The following SSH1 variants were observed in gnomAD, a reference collection of about 807,000 sequenced individuals.
The protein encoded by SSH1 is protein phosphatase Slingshot homolog 1.
A neutral mutation model predicts 79.7 loss-of-function variants in SSH1; 43 were observed. That is an observed-to-expected ratio of 0.54 (90% confidence interval 0.42 to 0.70). The LOEUF is 0.70. SSH1 is among the 30% of genes least tolerant of loss of function. SSH1 has a pLI of 0.00. For synonymous variants in SSH1, 599 were observed against 538.3 expected (o/e 1.11, Z -1.56); for missense variants, 1,206 against 1,358.8 (o/e 0.89, Z 1.77).
Position 108,800,861 on chromosome 12 carries a change from T to C in SSH1, c.1067A>G (p.His356Arg), listed in dbSNP as rs766609493. Reference protein sequence around the residue: ...DNFFPGLFAYHNIRVYDEETT... With the variant: ...DNFFPGLFAYRNIRVYDEETT... Reference sequence around the variant, plus strand: ...CTCTTCATCGTAGACTCGGATGTTATGATATGCAAATAAGCCAGGAAAAAA... The same window carrying C: ...CTCTTCATCGTAGACTCGGATGTTACGATATGCAAATAAGCCAGGAAAAAA... The change falls in exon 12 of 15, where the codon CAT becomes CGT. Residue 356 changes from histidine to arginine, a missense_variant. Physicochemically the swap from His to Arg is conservative, Grantham distance 29 (BLOSUM62 0). This residue lies in a region of SSH1 where 166 missense variants were observed against 262.9 expected (regional missense o/e 0.63). Transcript: ENST00000326495. 1 of 1,614,088 alleles carries C rather than the reference T, an allele frequency of 6.2e-7. No homozygotes were observed. The highest frequency in any genetic ancestry group is 8.5e-7 in the Non-Finnish European group (1 of 1,179,936).
At chr12:108,852,812 C>A in intron 1 of SSH1, 134 bp from the exon 2 acceptor site, 3 of 1,566,010 alleles carry the variant, frequency 1.9e-6, no homozygotes, top group African/African-American at 1.4e-5. Context: ...TCTAAACAGC[C>A]GTGCCCTTTC....
Position 108,823,313 on chromosome 12 carries a change from T to C in SSH1, c.159A>G (p.Gln53=). 6.3e-7 allele frequency: 1 copy of C among 1,588,618 alleles called. No homozygotes were observed. Among genetic ancestry groups the C allele is most frequent in the Non-Finnish European group, 8.6e-7 (1 of 1,166,350 alleles). ...GCTGGCCTTGAGGGCTGCTTCCCTG[T>C]TGTAAGAAGAGGGCTGCGCCTTTCA... ...FMVKGAALFL[Q]QGSSPQGQRS... is the part of the protein sequence containing the mutation. The change falls in exon 3 of 15, where the codon CAA becomes CAG. Residue 53 remains glutamine (Q), a synonymous_variant. Coordinates refer to ENST00000326495, the MANE Select transcript of SSH1 (RefSeq NM_018984.4).
rs1039876347 is a variant in SSH1, at chr12:108,784,368, G to A, written c.*3620C>T. On this transcript the variant is annotated 3_prime_UTR_variant, in exon 15 of 15. Coordinates refer to ENST00000326495, the MANE Select transcript of SSH1 (RefSeq NM_018984.4). ...GAAGAGGACAGGGTGGAGCAGAATG[G>A]GCTTGGACAGTACAGCTGTCTGTGT... 2.0e-5 allele frequency: 3 copies of A among 152,184 alleles called. No individual in the cohort carries two copies. Among genetic ancestry groups the A allele is most frequent in the African/African-American group, 7.2e-5 (3 of 41,426 alleles). The allele number at this position is 152,184 out of a possible 1,614,324, so 9.4% of individuals were successfully genotyped here. A position where few individuals can be genotyped will look rare whatever the true frequency, so the allele number is the denominator to read the frequency against.
At chr12:108,792,867 G>C in intron 13 of SSH1, 38 bp from the exon 14 acceptor site, 1 of 1,611,740 alleles carries the variant, frequency 6.2e-7, no homozygotes. Flanking sequence ...GAGGGGAGGA[G>C]GATGGTGCCT....
chr12:108,784,122 G>A lies in SSH1; in HGVS notation c.*3866C>T, dbSNP rs754785881. ...AGGTGAGATGACTTAATAGGATCTT[G>A]ACTAAATTATGTAGCATTTGTTCCC... On this transcript the variant is annotated 3_prime_UTR_variant, in exon 15 of 15. Transcript: ENST00000326495. 6.6e-6 allele frequency: 1 copy of A among 152,204 alleles called. No homozygotes were observed. Among genetic ancestry groups the A allele is most frequent in the Non-Finnish European group, 1.5e-5 (1 of 68,050 alleles). 9.4% of individuals were successfully genotyped at this position (152,204 alleles called of 1,614,324 possible).
At chr12:108,832,508 A>G (rs2038499053) in intron 2 of SSH1, among the ~76,000 whole-genome samples, 1 of 152,184 alleles carries the variant, frequency 6.6e-6, no homozygotes, top group Non-Finnish European at 1.5e-5. Flanking sequence ...AAGCTAATCA[A>G]CTGACCTCAA....
chr12:108,809,773 C>T lies in SSH1; in HGVS notation c.471-15G>A. On this transcript the variant is annotated splice_polypyrimidine_tract_variant and intron_variant, in intron 6 of 14. Transcript: ENST00000326495. ...CGCTGAACCCACTGAGAATAAAACA[C>T]AGAGAGAAAGGTATCTGTGGTGAGA... The T allele has an allele frequency of 6.2e-7, 1 of 1,612,368 alleles. No homozygotes were observed. The highest frequency in any genetic ancestry group is 8.5e-7 in the Non-Finnish European group (1 of 1,178,446).
intron 2 of SSH1, among the ~76,000 whole-genome samples, chr12:108,840,769 G>A (rs2038757215): frequency 1.3e-5 from 2 of 152,158 alleles, no homozygotes; most frequent in African/African-American, 4.8e-5. Flanking sequence ...ACGCTGCTTT[G>A]TGTATGGCTC....
intron 12 of SSH1, among the ~76,000 whole-genome samples, chr12:108,799,688 G>A (rs2036904591): frequency 6.6e-6 from 1 of 152,202 alleles, no homozygotes; most frequent in South Asian, 2.1e-4. Flanking sequence ...AAGGCCCTGG[G>A]GAGAGCGAGA....
rs912253035 is a variant in SSH1 at position 108,786,081 on chromosome 12, T to G, written c.*1907A>C. Reference sequence around the variant, plus strand: ...AAAACTGTGCTCACTAGGTAAAATATGAACTAGCCTTGTTCCTGCAGATCC... The same window carrying G: ...AAAACTGTGCTCACTAGGTAAAATAGGAACTAGCCTTGTTCCTGCAGATCC... On this transcript the variant is annotated 3_prime_UTR_variant, in exon 15 of 15. Coordinates refer to ENST00000326495, the MANE Select transcript of SSH1 (RefSeq NM_018984.4). The G allele has an allele frequency of 6.6e-6, 1 of 152,330 alleles. No homozygotes were observed. 9.4% of individuals were successfully genotyped at this position (152,330 alleles called of 1,614,324 possible).
chr12:108,832,298 C>T (rs2038493586), intron 2 of SSH1, among the ~76,000 whole-genome samples: 1 of 147,320 alleles, frequency 6.8e-6, no homozygotes, highest in Non-Finnish European at 1.5e-5. Context: ...CTCTGTCCCA[C>T]CCACCCCCGC....
chr12:108,841,242 G>A (rs555750265), intron 2 of SSH1, among the ~76,000 whole-genome samples: 10 of 152,296 alleles, frequency 6.6e-5, no homozygotes, highest in East Asian at 1.9e-4. Context: ...TGCTACCTAC[G>A]AGCTGAGCTT....
intron 4 of SSH1, 114 bp downstream of exon 4, chr12:108,818,135 C>T (rs2037974463): frequency 1.2e-6 from 1 of 842,338 alleles, no homozygotes; most frequent in South Asian, 1.4e-5. Flanking sequence ...GAGTTTGAGG[C>T]TGTAGTGAGC....
At position 108,857,191 on chromosome 12, in the gene SSH1, G is replaced by GC. The variant is rs1342396729; in HGVS notation, c.69+236dup. On this transcript the variant is annotated intron_variant, in intron 1 of 14. Transcript: ENST00000326495. This position sits in a 1 kb window ranked among gnomAD's most constrained non-coding sequence, Gnocchi z 4.7. ...CTGCATACACAGTCCCTGCAAAGTC[G>GC]CCCCCCGATAGGGGTCACACCGCAC... is the stretch of plus-strand genomic sequence containing the variant. 6.6e-6 allele frequency among the ~76,000 whole-genome samples: 1 copy of GC among 152,038 alleles called. No homozygotes were observed. Among genetic ancestry groups the GC allele is most frequent in the African/African-American group, 2.4e-5 (1 of 41,398 alleles).
rs1485699735 is a variant in SSH1, at chr12:108,789,051, C to G, written c.2087G>C (p.Ser696Thr). Residue 696 changes from serine to threonine, a missense_variant, in exon 15 of 15, where the codon AGC (serine) becomes ACC (threonine). Ser to Thr is a moderately conservative substitution (Grantham distance 58, BLOSUM62 1). Coordinates refer to ENST00000326495, the MANE Select transcript of SSH1 (RefSeq NM_018984.4). Reference sequence around the variant, plus strand: ...TGGCTTCTCCGGAACACGGGACCTGCTGGCCAAGTGGGCCACAGGGGAGGA... The same window carrying G: ...TGGCTTCTCCGGAACACGGGACCTGGTGGCCAAGTGGGCCACAGGGGAGGA... ...ITSSPVAHLA[S>T]RSRVPEKPAS... 3.7e-6 allele frequency: 6 copies of G among 1,609,632 alleles called. No homozygotes were observed. Among genetic ancestry groups the G allele is most frequent in the Non-Finnish European group, 5.1e-6 (6 of 1,176,790 alleles).
chr12:108,800,660 A>G, intron 12 of SSH1, 120 bp downstream of exon 12: 1 of 1,191,550 alleles, frequency 8.4e-7, no homozygotes, highest in Non-Finnish European at 1.2e-6. Context: ...CTGCGTCTGG[A>G]GTCCCGTTAG....
chr12:108,813,335 T>C (rs960105681), intron 5 of SSH1, among the ~76,000 whole-genome samples: 11 of 152,156 alleles, frequency 7.2e-5, no homozygotes, highest in African/African-American at 2.7e-4. Context: ...GACCCCATCG[T>C]GGAGTCCTTC....
chr12:108,827,190 A>G lies in SSH1; in HGVS notation c.111-3829T>C, dbSNP rs2038342942. Reference sequence around the variant, plus strand: ...CTCCTCAAAAAACCCCAGGCCCCCAAAATATAAACAGCCAGTGTCATCCAG... The same window carrying G: ...CTCCTCAAAAAACCCCAGGCCCCCAGAATATAAACAGCCAGTGTCATCCAG... On this transcript the variant is annotated intron_variant, in intron 2 of 14. Coordinates refer to ENST00000326495, the MANE Select transcript of SSH1 (RefSeq NM_018984.4). 8 of 1,442,196 alleles carry G rather than the reference A, an allele frequency of 5.5e-6. No individual in the cohort carries two copies. In the South Asian group the frequency reaches 9.9e-5, roughly 18 times the overall value. The allele number at this position is 1,442,196 out of a possible 1,614,324, so 89.3% of individuals were successfully genotyped here. A position where few individuals can be genotyped will look rare whatever the true frequency, so the allele number is the denominator to read the frequency against.
rs1297580634 is a variant in SSH1, at chr12:108,789,087, G to C, written c.2051C>G (p.Pro684Arg). 1 of 1,613,634 alleles carries C rather than the reference G, an allele frequency of 6.2e-7. No individual in the cohort carries two copies. Among genetic ancestry groups the C allele is most frequent in the Admixed American group, 1.7e-5 (1 of 60,012 alleles). The change falls in exon 15 of 15, where the codon CCC becomes CGC. Residue 684 changes from proline (P) to arginine (R), a missense_variant. By Grantham distance (103) the Pro-to-Arg change is moderately radical. Coordinates refer to ENST00000326495, the MANE Select transcript of SSH1 (RefSeq NM_018984.4). The part of the protein sequence containing the change: ...PAICTQPAFL[P>R]HITSSPVAHL... Reference sequence around the variant, plus strand: ...GGCCACAGGGGAGGACGTGATGTGGGGTAGGAAGGCTGGCTGGGTGCAGAT... The same window carrying C: ...GGCCACAGGGGAGGACGTGATGTGGCGTAGGAAGGCTGGCTGGGTGCAGAT...
Sources: allele counts gnomAD v4.1 joint callset (sites outside exome capture counted in the v4.1 genomes callset), GRCh38; gene constraint gnomAD v4.1.1; regional missense constraint gnomAD v4.1.1; non-coding constraint Gnocchi (gnomAD v3.1); transcripts MANE v1.5; gene names NCBI Gene and HGNC (gene_info 2026-07-23, HGNC 2026-07-21).